PDE7B: variants seen among roughly 807,000 people sequenced by gnomAD.
PDE7B encodes phosphodiesterase 7B.
In PDE7B, 29 loss-of-function variants were observed where a neutral mutation model predicts 56.2. That is an observed-to-expected ratio of 0.52 (90% confidence interval 0.38 to 0.70). The LOEUF (loss-of-function observed/expected upper bound fraction) is 0.70. Among genes scored for constraint, PDE7B ranks in the 30% least tolerant of loss-of-function variants. The pLI is 0.00. For missense variants in PDE7B, 490 were observed against 565.0 expected, an observed-to-expected ratio of 0.87 and a Z score of 1.35; for synonymous variants, 197 against 196.9, an observed-to-expected ratio of 1.00 and a Z score of 0.00.
At chr6:135,916,392 CTTTTTT>C (rs566408380) in intron 1 of PDE7B, among the ~76,000 whole-genome samples, 5 of 96,346 alleles carry the variant, frequency 5.2e-5, no homozygotes, top group Admixed American at 1.3e-4. Flanking sequence ...TCTTTTCTTT[CTTTTTT>C]TTTTTTTTTT....
At chr6:135,936,607 T>C in intron 1 of PDE7B, among the ~76,000 whole-genome samples, 1 of 152,248 alleles carries the variant, frequency 6.6e-6, no homozygotes, top group East Asian at 1.9e-4. Context: ...ATAGGGTCCT[T>C]TTCTGGGTCA....
intron 1 of PDE7B, among the ~76,000 whole-genome samples, chr6:135,886,966 T>C (rs565387245): frequency 1.6e-3 from 237 of 152,314 alleles, no homozygotes; most frequent in African/African-American, 5.6e-3. Flanking sequence ...GTGGTTGTAC[T>C]AATTTACATT....
intron 9 of PDE7B, among the ~76,000 whole-genome samples, chr6:136,177,380 A>C (rs1051608629): frequency 5.3e-5 from 8 of 152,272 alleles, no homozygotes; most frequent in Admixed American, 1.3e-4. Flanking sequence ...TAAAAGACAA[A>C]CCACAGACAC....
chr6:135,925,042 A>G (rs1012709491), intron 1 of PDE7B, among the ~76,000 whole-genome samples: 3 of 150,718 alleles, frequency 2.0e-5, no homozygotes, highest in Non-Finnish European at 4.4e-5. Context: ...TTTCATATGA[A>G]TAAGTAGCTG....
At chr6:136,072,064 T>A (rs1777057599) in intron 2 of PDE7B, among the ~76,000 whole-genome samples, 1 of 152,232 alleles carries the variant, frequency 6.6e-6, no homozygotes, top group Non-Finnish European at 1.5e-5. Context: ...GCTTCTTCCC[T>A]CAGTCCCCTT....
At chr6:136,183,595 C>CAAAA (rs59123124) in intron 11 of PDE7B, among the ~76,000 whole-genome samples, 1 of 66,202 alleles carries the variant, frequency 1.5e-5, no homozygotes, top group East Asian at 4.9e-4. Flanking sequence ...GACTCTGTCT[C>CAAAA]AAAAAAAAAA....
chr6:136,167,089 A>G (rs1464273412), intron 8 of PDE7B, among the ~76,000 whole-genome samples: 1 of 151,114 alleles, frequency 6.6e-6, no homozygotes, highest in African/African-American at 2.4e-5. Flanking sequence ...GGAATGACTA[A>G]CTCCCTCCTG....
intron 1 of PDE7B, among the ~76,000 whole-genome samples, chr6:135,896,411 A>C (rs74640314): frequency 0.022 from 3,285 of 152,104 alleles, 124 homozygotes; most frequent in African/African-American, 0.075. Flanking sequence ...CTTCCTAAGC[A>C]CTCTGTAACA....
In PDE7B at chr6:136,127,018, A is replaced by G. The variant is rs186651057; in HGVS notation, c.166+18204A>G. Among the ~76,000 whole-genome samples the G allele has an allele frequency of 5.2e-3, 787 of 152,268 alleles. 5 individuals carry two copies. Among genetic ancestry groups the G allele is most frequent in the African/African-American group, 0.018 (745 of 41,562 alleles). On this transcript the variant is annotated intron_variant, in intron 3 of 12. Transcript: ENST00000308191. Reference sequence around the variant, plus strand: ...CTCCATGAATATATACATACCTACTATGTACCCACAAAAATTAATGATTTT... The same window carrying G: ...CTCCATGAATATATACATACCTACTGTGTACCCACAAAAATTAATGATTTT...
chr6:135,953,401 A>T (rs972642404), intron 2 of PDE7B, among the ~76,000 whole-genome samples: 2 of 152,296 alleles, frequency 1.3e-5, no homozygotes, highest in African/African-American at 4.8e-5. Context: ...AAGACCTGGT[A>T]CCAGCTAATA....
At chr6:135,959,079 A>T (rs1283347980) in intron 2 of PDE7B, among the ~76,000 whole-genome samples, 1 of 152,174 alleles carries the variant, frequency 6.6e-6, no homozygotes, top group Non-Finnish European at 1.5e-5. Context: ...GAAATCTTGT[A>T]CATTGCCATT....
At chr6:135,996,332 T>C (rs1775562786) in intron 2 of PDE7B, among the ~76,000 whole-genome samples, 1 of 152,200 alleles carries the variant, frequency 6.6e-6, no homozygotes, top group African/African-American at 2.4e-5. Flanking sequence ...GTTATATAGA[T>C]CACAAATATG....
chr6:136,186,589 T>C (rs1779149378), intron 11 of PDE7B, among the ~76,000 whole-genome samples: 1 of 152,168 alleles, frequency 6.6e-6, no homozygotes, highest in Non-Finnish European at 1.5e-5. Flanking sequence ...TCTACCTCAT[T>C]TCCTACCTAC....
At chr6:136,154,295 C>A in intron 7 of PDE7B, 120 bp downstream of exon 7, 1 of 548,328 alleles carries the variant, frequency 1.8e-6, no homozygotes, top group Non-Finnish European at 3.3e-6. Context: ...AATGTGAACA[C>A]AAATTATTGA....
chr6:136,037,550 C>A (rs1776343380), intron 2 of PDE7B: 1 of 985,338 alleles, frequency 1.0e-6, no homozygotes, highest in South Asian at 4.7e-5. Context: ...TGCCCCCCAA[C>A]CCCCATCAGG....
At chr6:135,948,809 T>C (rs1774635300) in intron 2 of PDE7B, among the ~76,000 whole-genome samples, 2 of 151,284 alleles carry the variant, frequency 1.3e-5, no homozygotes, top group Admixed American at 1.3e-4. Context: ...AAGTGTGAAA[T>C]GAAAATGTCT....
chr6:135,978,754 T>C (rs867349576), intron 2 of PDE7B, among the ~76,000 whole-genome samples: 5 of 152,280 alleles, frequency 3.3e-5, no homozygotes, highest in Middle Eastern at 3.4e-3. Context: ...CTGAAGTTGC[T>C]TATCAGCTTA....
intron 1 of PDE7B, among the ~76,000 whole-genome samples, chr6:135,921,078 G>A (rs1486198397): frequency 1.3e-5 from 2 of 152,078 alleles, no homozygotes; most frequent in Non-Finnish European, 2.9e-5. Context: ...GAGGAGGATC[G>A]CCTATTAAAG....
intron 8 of PDE7B, among the ~76,000 whole-genome samples, chr6:136,173,016 A>G (rs1778917153): frequency 6.6e-6 from 1 of 152,016 alleles, no homozygotes; most frequent in Non-Finnish European, 1.5e-5. Context: ...ATACAAACAA[A>G]TGGAAGAACA....
Sources: allele counts gnomAD v4.1 joint callset (sites outside exome capture counted in the v4.1 genomes callset), GRCh38; gene constraint gnomAD v4.1.1; transcripts MANE v1.5; gene names NCBI Gene and HGNC (gene_info 2026-07-23, HGNC 2026-07-21).